Variants in RNF130 observed in about 807,000 individuals in gnomAD.
The protein encoded by RNF130 is E3 ubiquitin-protein ligase RNF130.
RNF130 carries 21 observed loss-of-function variants against 44.6 expected under a neutral mutation model. The observed-to-expected ratio is 0.47, with a 90% CI of 0.33 to 0.68. The LOEUF (loss-of-function observed/expected upper bound fraction) is 0.68. RNF130 is among the 30% of genes least tolerant of loss of function. RNF130 has a pLI of 0.02. For synonymous variants in RNF130, 214 were observed against 210.4 expected (o/e 1.02, Z -0.15); for missense variants, 479 against 560.6 (o/e 0.85, Z 1.47).
At chr5:179,927,735 C>T (rs545836103) in intron 7 of RNF130, among the ~76,000 whole-genome samples, 9 of 151,894 alleles carry the variant, frequency 5.9e-5, no homozygotes, top group South Asian at 2.1e-4. Context: ...TACAGGTGCC[C>T]GCCACCACGC....
chr5:180,046,532 T>C (rs1351591616), intron 1 of RNF130, among the ~76,000 whole-genome samples: 1 of 152,204 alleles, frequency 6.6e-6, no homozygotes, highest in Non-Finnish European at 1.5e-5. Flanking sequence ...CTGAGAATTG[T>C]CAGTCTGCTG....
intron 3 of RNF130, among the ~76,000 whole-genome samples, chr5:180,002,390 G>C (rs1763363962): frequency 1.3e-5 from 2 of 152,186 alleles, no homozygotes; most frequent in Non-Finnish European, 2.9e-5. Context: ...TGGCAGCTTA[G>C]CCTTAGGGAC....
At chr5:179,950,702 T>A (rs1324912750), downstream of RNF130, among the ~76,000 whole-genome samples, 1 of 152,238 alleles carries the variant, frequency 6.6e-6, no homozygotes, top group Admixed American at 6.5e-5. Context: ...TATCTGGCCT[T>A]GAACAGCATC....
intron 1 of RNF130, among the ~76,000 whole-genome samples, chr5:180,050,941 C>T (rs1359606190): frequency 6.6e-6 from 1 of 152,026 alleles, no homozygotes; most frequent in Non-Finnish European, 1.5e-5. Flanking sequence ...GTAGCTGGGA[C>T]TACAGGCATG....
intron 2 of RNF130, among the ~76,000 whole-genome samples, chr5:180,018,652 T>C (rs1763798138): frequency 6.6e-6 from 1 of 152,228 alleles, no homozygotes; most frequent in African/African-American, 2.4e-5. Flanking sequence ...AAAGAAAATG[T>C]TGTGGGAAGA....
intron 2 of RNF130, among the ~76,000 whole-genome samples, chr5:180,030,874 A>T (rs886148064): frequency 6.6e-6 from 1 of 152,222 alleles, no homozygotes; most frequent in Non-Finnish European, 1.5e-5. Context: ...TTCCATTTAC[A>T]GCTGAGAATA....
At chr5:180,033,771 G>C (rs1764187968) in intron 2 of RNF130, among the ~76,000 whole-genome samples, 1 of 127,934 alleles carries the variant, frequency 7.8e-6, no homozygotes, top group Non-Finnish European at 1.8e-5. Context: ...ATTCTTTCAA[G>C]ACTTGTTTAT....
chr5:179,997,536 G>A (rs1193492300), intron 3 of RNF130, among the ~76,000 whole-genome samples: 1 of 152,054 alleles, frequency 6.6e-6, no homozygotes, highest in African/African-American at 2.4e-5. Flanking sequence ...CACCGTGTTA[G>A]CCAGGATGGT....
At chr5:180,021,395 C>T (rs1202227938) in intron 2 of RNF130, among the ~76,000 whole-genome samples, 1 of 152,050 alleles carries the variant, frequency 6.6e-6, no homozygotes, top group Non-Finnish European at 1.5e-5. Flanking sequence ...ATACCATCAA[C>T]CACAAGGTAC....
chr5:180,066,974 A>G (rs894190165), intron 1 of RNF130, among the ~76,000 whole-genome samples: 7 of 152,226 alleles, frequency 4.6e-5, no homozygotes, highest in Non-Finnish European at 2.9e-5. Context: ...GGCTACAGTG[A>G]GCTATGACCA....
At chr5:180,013,364 C>A in intron 2 of RNF130, 53 bp from the exon 3 acceptor site, 1 of 1,478,284 alleles carries the variant, frequency 6.8e-7, no homozygotes. Context: ...CTTATGGAAA[C>A]ATCAAATGTA....
chr5:180,052,488 C>T (rs1402844247), intron 1 of RNF130, among the ~76,000 whole-genome samples: 1 of 152,224 alleles, frequency 6.6e-6, no homozygotes, highest in Non-Finnish European at 1.5e-5. Context: ...CGCCTGAAGG[C>T]ACTACTAACT....
Position 180,062,961 on chromosome 5 carries a change from T to C in RNF130, c.247+8495A>G, listed in dbSNP as rs553607935. Among the ~76,000 whole-genome samples the C allele has an allele frequency of 2.8e-4, 43 of 152,182 alleles. 1 individual carries two copies. The highest frequency in any genetic ancestry group is 3.4e-3 in the Middle Eastern group (1 of 294). On this transcript the variant is annotated intron_variant, in intron 1 of 8. Transcript: ENST00000521389. Reference sequence around the variant, plus strand: ...GAGGGCACACACTGTAAAGAAGACATAGAAGCCCTGGGAACTGAAAGAATA... The same window carrying C: ...GAGGGCACACACTGTAAAGAAGACACAGAAGCCCTGGGAACTGAAAGAATA...
intron 3 of RNF130, among the ~76,000 whole-genome samples, chr5:179,981,317 A>G (rs981363639): frequency 1.8e-4 from 27 of 152,206 alleles, no homozygotes; most frequent in African/African-American, 6.3e-4. Flanking sequence ...ACGTCACTCT[A>G]GACACATCCA....
At position 179,977,913 on chromosome 5, in the gene RNF130, T is replaced by C. The variant is rs536344849; in HGVS notation, c.848+290A>G. Among the ~76,000 whole-genome samples the C allele has an allele frequency of 2.0e-5, 3 of 152,190 alleles. No homozygotes were observed. The highest frequency in any genetic ancestry group is 2.1e-4 in the South Asian group (1 of 4,812). On this transcript the variant is annotated intron_variant, in intron 5 of 8. Transcript: ENST00000521389. This position sits in a 1 kb window ranked among gnomAD's most constrained non-coding sequence, Gnocchi z 4.1. ...AAACATAAAAAGATAAACGAAACCA[T>C]AGAACAAGAATTCTCGACCTCAACA...
chr5:179,933,930 G>T, intron 7 of RNF130: 1 of 534,244 alleles, frequency 1.9e-6, no homozygotes, highest in South Asian at 1.8e-5. Context: ...AGACTGTTCT[G>T]CCATTTTTTC....
At chr5:180,043,485 C>T (rs1483135409) in intron 1 of RNF130, among the ~76,000 whole-genome samples, 1 of 152,112 alleles carries the variant, frequency 6.6e-6, no homozygotes, top group Non-Finnish European at 1.5e-5. Flanking sequence ...CTCAGCAGCA[C>T]CCCACACTCC....
intron 2 of RNF130, among the ~76,000 whole-genome samples, chr5:180,031,855 T>C (rs1764137241): frequency 6.6e-6 from 1 of 152,252 alleles, no homozygotes; most frequent in South Asian, 2.1e-4. Context: ...TTGTACCATT[T>C]CACATTTCTA....
At chr5:180,058,218 C>T (rs1017764969) in intron 1 of RNF130, among the ~76,000 whole-genome samples, 4 of 152,186 alleles carry the variant, frequency 2.6e-5, no homozygotes, top group Non-Finnish European at 5.9e-5. Flanking sequence ...CACTCAACTT[C>T]TCCACTAGGT....
Sources: gnomAD v4.1 joint callset for allele counts (sites outside exome capture counted in the v4.1 genomes callset) on GRCh38, gnomAD v4.1.1 for gene constraint, Gnocchi (gnomAD v3.1) non-coding constraint, MANE v1.5 for transcripts, NCBI Gene and HGNC (gene_info 2026-07-23, HGNC 2026-07-21) for gene names.